TMC5: variants seen among roughly 807,000 people sequenced by gnomAD.
TMC5 encodes the protein transmembrane channel-like protein 5.
In TMC5, 86 loss-of-function variants were observed where a neutral mutation model predicts 110.5. That is an observed-to-expected ratio of 0.78 (90% CI 0.65 to 0.93). The LOEUF is 0.93. Among genes scored for constraint, TMC5 ranks in the 40% least tolerant of loss-of-function variants. The pLI is 0.00. For missense variants in TMC5, 1,144 were observed against 1,222.8 expected (o/e 0.94, Z 0.96); for synonymous variants, 455 against 439.5 (o/e 1.04, Z -0.44).
At chr16:19,486,220 G>A (rs1314914006) in intron 15 of TMC5, among the ~76,000 whole-genome samples, 1 of 152,154 alleles carries the variant, frequency 6.6e-6, no homozygotes, top group East Asian at 1.9e-4. Flanking sequence ...AGTTCTGGAG[G>A]CCAGAAGGCC....
chr16:19,497,857 T>C (rs1969095582), intron 21 of TMC5, 63 bp from the exon 22 acceptor site: 5 of 1,507,542 alleles, frequency 3.3e-6, no homozygotes, highest in Admixed American at 3.7e-5. Context: ...AAGCTGGTCT[T>C]TCCCTTGTAG....
chr16:19,490,291 G>T, intron 17 of TMC5, 104 bp from the exon 18 acceptor site: 2 of 1,156,544 alleles, frequency 1.7e-6, no homozygotes, highest in Non-Finnish European at 2.5e-6. Flanking sequence ...GATCAGGCAA[G>T]ACTTGATGTT....
chr16:19,463,383 A>T lies in TMC5; in HGVS notation c.1236+16A>T. 6.3e-7 allele frequency: 1 copy of T among 1,582,292 alleles called. No homozygotes were observed. The highest frequency in any genetic ancestry group is 8.7e-7 in the Non-Finnish European group (1 of 1,150,892). ...CATTTCCCGGGTAAGTCAGTAAAAC[A>T]GGCACAGCAAGAGGGTGAAAACAGG... On this transcript the variant is annotated intron_variant, in intron 7 of 21. Coordinates refer to ENST00000542583, the MANE Select transcript of TMC5 (RefSeq NM_001261841.2).
At position 19,444,168 on chromosome 16, in the gene TMC5, C is replaced by A; in HGVS notation, c.876C>A (p.Tyr292Ter). 1 of 1,614,032 alleles carries A rather than the reference C, an allele frequency of 6.2e-7. No individual in the cohort carries two copies. Among genetic ancestry groups the A allele is most frequent in the Non-Finnish European group, 8.5e-7 (1 of 1,179,994 alleles). The change falls in exon 4 of 22, where the codon TAC (tyrosine) becomes TAA (stop). Residue 292 changes from tyrosine to a stop codon, truncating the protein, a stop_gained. Coordinates refer to ENST00000542583, the MANE Select transcript of TMC5 (RefSeq NM_001261841.2). LOFTEE classifies it high-confidence loss of function. ...PVGSLWGEND[Y>*]PEGIEMASME... ...GCAGTCTTTGGGGAGAGAATGATTA[C>A]CCTGAAGGCATTGAAATGGCATCCA...
At chr16:19,434,314 A>G (rs1597165785) in intron 2 of TMC5, among the ~76,000 whole-genome samples, 1 of 114,800 alleles carries the variant, frequency 8.7e-6, no homozygotes, top group African/African-American at 3.1e-5. Flanking sequence ...TATATTATAT[A>G]TATAATATAG....
intron 6 of TMC5, chr16:19,462,521 C>T (rs1310091451): frequency 4.3e-6 from 3 of 702,132 alleles, no homozygotes; most frequent in Non-Finnish European, 7.8e-6. Flanking sequence ...GCCTCACAAT[C>T]ACGACAGAGG....
chr16:19,416,190 GAA>G (rs752182776), upstream of TMC5, among the ~76,000 whole-genome samples: 7 of 125,898 alleles, frequency 5.6e-5, no homozygotes, highest in Admixed American at 8.1e-5. Context: ...TGTCTCAAAG[GAA>G]AAAAAAAAAA....
At chr16:19,477,366 C>T (rs1292180840) in intron 12 of TMC5, 74 bp from the exon 13 acceptor site, 3 of 1,149,870 alleles carry the variant, frequency 2.6e-6, no homozygotes, top group South Asian at 1.2e-5. Context: ...ACCATGTGCC[C>T]CAAAGGAGCT....
At position 19,472,059 on chromosome 16, in the gene TMC5, C is replaced by T. The variant is rs185553659; in HGVS notation, c.1783-29C>T. 267 of 1,611,298 alleles carry T rather than the reference C, an allele frequency of 1.7e-4. 1 individual carries two copies. The East Asian group carries it at 4.9e-3, about 30-fold the overall frequency. On this transcript the variant is annotated intron_variant, in intron 10 of 21. Transcript: ENST00000542583. ...TACAGGCGTGAGCCACCATGCCCAG[C>T]CATAAACTTGACTTTCTTATGTTTC...
intron 1 of TMC5, among the ~76,000 whole-genome samples, chr16:19,426,283 G>A (rs1967086689): frequency 6.6e-6 from 1 of 152,230 alleles, no homozygotes; most frequent in African/African-American, 2.4e-5. Context: ...GAGACTTGAT[G>A]CAGACCCATA....
chr16:19,498,130 C>T lies in TMC5; in HGVS notation c.*164C>T. Reference sequence around the variant, plus strand: ...ATGTAATTATCAAAGTAAAATTGGGCATTCCATGCTATTTTTAATACCTGG... The same window carrying T: ...ATGTAATTATCAAAGTAAAATTGGGTATTCCATGCTATTTTTAATACCTGG... On this transcript the variant is annotated 3_prime_UTR_variant, in exon 22 of 22. Transcript: ENST00000542583. The T allele has an allele frequency of 3.1e-6, 2 of 641,252 alleles. No individual in the cohort carries two copies. The highest frequency in any genetic ancestry group is 3.9e-5 in the South Asian group (2 of 51,606). The allele number at this position is 641,252 out of a possible 1,614,324, so 39.7% of individuals were successfully genotyped here.
At chr16:19,466,716 G>C (rs567543109) in intron 9 of TMC5, among the ~76,000 whole-genome samples, 1 of 152,156 alleles carries the variant, frequency 6.6e-6, no homozygotes, top group Non-Finnish European at 1.5e-5. Flanking sequence ...ATAGGAGTTT[G>C]GACAGAGGAA....
chr16:19,493,213 G>A (rs992380154), intron 19 of TMC5, among the ~76,000 whole-genome samples: 33 of 150,880 alleles, frequency 2.2e-4, no homozygotes, highest in African/African-American at 7.5e-4. Context: ...CGCCCGCCTC[G>A]GCCTCCCAAA....
intron 12 of TMC5, among the ~76,000 whole-genome samples, chr16:19,475,436 A>AT (rs1365310277): frequency 6.6e-6 from 1 of 151,104 alleles, no homozygotes; most frequent in Non-Finnish European, 1.5e-5. Flanking sequence ...AAAAAAAAAA[A>AT]GTGTAGGTCT....
intron 20 of TMC5, 80 bp downstream of exon 20, chr16:19,494,446 C>A: frequency 3.3e-6 from 3 of 919,704 alleles, no homozygotes; most frequent in Non-Finnish European, 5.2e-6. Flanking sequence ...AACTACAGAC[C>A]AAGCTCTTGG....
chr16:19,430,115 A>G (rs1204497876), intron 1 of TMC5, among the ~76,000 whole-genome samples: 1 of 152,214 alleles, frequency 6.6e-6, no homozygotes, highest in Non-Finnish European at 1.5e-5. Context: ...CAGACAGGGA[A>G]GAGGACACTG....
chr16:19,448,620 A>G (rs1285712395), intron 4 of TMC5, among the ~76,000 whole-genome samples: 2 of 148,236 alleles, frequency 1.3e-5, no homozygotes, highest in African/African-American at 4.9e-5. Flanking sequence ...ACCTGTCTTA[A>G]AATATATATT....
At chr16:19,451,702 A>C (rs1050938223) in intron 5 of TMC5, among the ~76,000 whole-genome samples, 2 of 152,096 alleles carry the variant, frequency 1.3e-5, no homozygotes, top group Non-Finnish European at 2.9e-5. Flanking sequence ...ATCTACCTGG[A>C]GATAGTGTCA....
intron 15 of TMC5, among the ~76,000 whole-genome samples, chr16:19,484,082 CAAAAAA>C (rs758360425): frequency 2.8e-5 from 2 of 70,830 alleles, no homozygotes; most frequent in African/African-American, 4.4e-5. Flanking sequence ...AACTCTGTCT[CAAAAAA>C]AAAAAAAAAA....
Sources: allele counts gnomAD v4.1 joint callset (sites outside exome capture counted in the v4.1 genomes callset), GRCh38; gene constraint gnomAD v4.1.1; transcripts MANE v1.5; gene names NCBI Gene and HGNC (gene_info 2026-07-23, HGNC 2026-07-21).